Variants in DYM observed in about 807,000 individuals in gnomAD.
DYM encodes the protein dymeclin.
Under a neutral mutation model 93.1 loss-of-function variants are expected in DYM, and 78 were observed. The observed-to-expected ratio is 0.84, with a 90% CI of 0.70 to 1.01. The LOEUF is 1.01. Ranked by LOEUF, DYM falls within the 50% of genes least tolerant of loss-of-function variation. The pLI, the probability that DYM is intolerant of heterozygous loss-of-function variation, is 0.00. For synonymous variants in DYM, 321 were observed against 319.7 expected, an observed-to-expected ratio of 1.00 and a Z score of -0.04; for missense variants, 789 against 845.0, an observed-to-expected ratio of 0.93 and a Z score of 0.82.
At chr18:49,398,353 A>G (rs1465231629) in intron 2 of DYM, among the ~76,000 whole-genome samples, 2 of 152,164 alleles carry the variant, frequency 1.3e-5, no homozygotes, top group African/African-American at 4.8e-5. Flanking sequence ...AGGCAGACAG[A>G]TATGTGCAGC....
At chr18:49,404,092 C>T (rs1032140144) in intron 2 of DYM, among the ~76,000 whole-genome samples, 1 of 152,058 alleles carries the variant, frequency 6.6e-6, no homozygotes, top group African/African-American at 2.4e-5. Flanking sequence ...ACTGCAACCT[C>T]CGCCTCCCGG....
chr18:49,128,423 C>T (rs925599015), intron 15 of DYM, among the ~76,000 whole-genome samples: 2 of 152,116 alleles, frequency 1.3e-5, no homozygotes, highest in Non-Finnish European at 2.9e-5. Context: ...CCACAGCCTA[C>T]GAAAAGTAAA....
intron 17 of DYM, among the ~76,000 whole-genome samples, chr18:49,095,593 C>T (rs16950330): frequency 0.011 from 1,604 of 152,168 alleles, 41 homozygotes; most frequent in East Asian, 0.083. Context: ...AAGAAATTTA[C>T]CCATGACCTT....
chr18:49,418,296 G>C (rs1245833638), intron 2 of DYM, among the ~76,000 whole-genome samples: 1 of 151,888 alleles, frequency 6.6e-6, no homozygotes, highest in Non-Finnish European at 1.5e-5. Context: ...TTTCATTTTT[G>C]TTGCTATTAT....
intron 16 of DYM, among the ~76,000 whole-genome samples, chr18:49,107,109 T>C (rs2145766346): frequency 6.6e-6 from 1 of 152,058 alleles, no homozygotes; most frequent in East Asian, 1.9e-4. Context: ...TCATTTCTTT[T>C]TATTCTTTTT....
At chr18:49,215,224 C>T (rs1253632898) in intron 13 of DYM, among the ~76,000 whole-genome samples, 1 of 152,160 alleles carries the variant, frequency 6.6e-6, no homozygotes, top group East Asian at 1.9e-4. Flanking sequence ...TGAATTTCTT[C>T]ATCTTTTCTT....
Position 49,104,038 on chromosome 18 carries a change from C to T in DYM, c.1912-6523G>A, listed in dbSNP as rs183299054. Among the ~76,000 whole-genome samples, 1,318 of 152,194 alleles carry T rather than the reference C, an allele frequency of 8.7e-3. 10 individuals carry two copies. The highest frequency in any genetic ancestry group is 0.014 in the Non-Finnish European group (948 of 68,018). On this transcript the variant is annotated intron_variant, in intron 16 of 17. Coordinates refer to ENST00000675505, the MANE Select transcript of DYM (RefSeq NM_001353214.3). ...TTATCACGATATTGATTCTTCCTAC[C>T]CATGAGCATGGAATGTTCTTCCATT...
chr18:49,363,689 G>T (rs1168820017), intron 5 of DYM, among the ~76,000 whole-genome samples: 1 of 152,142 alleles, frequency 6.6e-6, no homozygotes, highest in Non-Finnish European at 1.5e-5. Flanking sequence ...GGGCCTGAAG[G>T]TACCTTTTAT....
intron 16 of DYM, among the ~76,000 whole-genome samples, chr18:49,112,895 CT>C (rs1274981655): frequency 6.6e-6 from 1 of 152,152 alleles, no homozygotes; most frequent in African/African-American, 2.4e-5. Flanking sequence ...CACTCTCTAC[CT>C]GCTTCAAGTT....
intron 13 of DYM, among the ~76,000 whole-genome samples, chr18:49,215,990 T>C (rs2093017905): frequency 1.3e-5 from 2 of 152,170 alleles, no homozygotes; most frequent in African/African-American, 4.8e-5. Context: ...GGAGTTCCCT[T>C]TCCTAGTCAA....
In DYM at chr18:49,042,969, G is replaced by A. The variant is rs887735918; in HGVS notation, c.*1086C>T. 4.6e-5 allele frequency: 7 copies of A among 152,154 alleles called. No homozygotes were observed. Among genetic ancestry groups the A allele is most frequent in the African/African-American group, 7.2e-5 (3 of 41,454 alleles). 9.4% of individuals were successfully genotyped at this position (152,154 alleles called of 1,614,324 possible). A position where few individuals can be genotyped will look rare whatever the true frequency, so the allele number is the denominator to read the frequency against. Reference sequence around the variant, plus strand: ...TTAGTGTGGGTGAAGGAAAAAGACTGTTTTCAAATGAAGCTTTTCTTTTTC... The same window carrying A: ...TTAGTGTGGGTGAAGGAAAAAGACTATTTTCAAATGAAGCTTTTCTTTTTC... On this transcript the variant is annotated 3_prime_UTR_variant, in exon 18 of 18. Transcript: ENST00000675505.
intron 17 of DYM, among the ~76,000 whole-genome samples, chr18:49,082,176 G>C (rs1420374734): frequency 6.6e-6 from 1 of 152,230 alleles, no homozygotes; most frequent in African/African-American, 2.4e-5. Context: ...TCCATGTGAG[G>C]TGCTTGCCAC....
In DYM at chr18:49,040,215, C is replaced by T. The variant is rs1162760549; in HGVS notation, c.*3840G>A. On this transcript the variant is annotated 3_prime_UTR_variant, in exon 18 of 18. Transcript: ENST00000675505. ...TTTGCTTGAAGGACCCCAGAGTCAA[C>T]AAGATAGTTAAGTATTACTTGTCCA... The T allele has an allele frequency of 1.3e-5, 2 of 152,186 alleles. No homozygotes were observed. Among genetic ancestry groups the T allele is most frequent in the African/African-American group, 4.8e-5 (2 of 41,444 alleles). 9.4% of individuals were successfully genotyped at this position (152,186 alleles called of 1,614,324 possible). A position where few individuals can be genotyped will look rare whatever the true frequency, so the allele number is the denominator to read the frequency against.
At chr18:49,078,699 A>T (rs2077524341) in intron 17 of DYM, among the ~76,000 whole-genome samples, 1 of 152,230 alleles carries the variant, frequency 6.6e-6, no homozygotes, top group South Asian at 2.1e-4. Context: ...AGTTTATTTA[A>T]AAATTAAAGA....
chr18:49,419,291 G>A (rs561780320), intron 2 of DYM, among the ~76,000 whole-genome samples: 78 of 152,134 alleles, frequency 5.1e-4, no homozygotes, highest in Middle Eastern at 6.8e-3. Context: ...CCTGGGAGGC[G>A]GAGGTCGCAG....
At chr18:49,265,050 A>C (rs973067977) in intron 11 of DYM, among the ~76,000 whole-genome samples, 1 of 152,240 alleles carries the variant, frequency 6.6e-6, no homozygotes, top group African/African-American at 2.4e-5. Flanking sequence ...CAAATATACT[A>C]GTCTCAAGCC....
intron 14 of DYM, among the ~76,000 whole-genome samples, chr18:49,165,086 T>C (rs1038195272): frequency 6.6e-6 from 1 of 152,100 alleles, no homozygotes; most frequent in African/African-American, 2.4e-5. Flanking sequence ...AAAAAAGACA[T>C]ACTATAAAAA....
intron 2 of DYM, among the ~76,000 whole-genome samples, chr18:49,420,504 G>A (rs1025021257): frequency 3.3e-5 from 5 of 151,936 alleles, no homozygotes; most frequent in Non-Finnish European, 5.9e-5. Flanking sequence ...CAATCCAATT[G>A]TATACAATAA....
rs1404955125 is a variant in DYM, at chr18:49,221,001, A to G, written c.1461-11286T>C. ...GAATGGGAGAAAATTTTCGCAACCT[A>G]CTCATCTGACAAAGGGCTAATATCC... On this transcript the variant is annotated intron_variant, in intron 13 of 17. Transcript: ENST00000675505. 1.3e-5 allele frequency among the ~76,000 whole-genome samples: 2 copies of G among 152,272 alleles called. 1 individual carries two copies. Among genetic ancestry groups the G allele is most frequent in the Middle Eastern group, 6.8e-3 (2 of 294 alleles).
Sources: gnomAD v4.1 joint callset for allele counts (sites outside exome capture counted in the v4.1 genomes callset) on GRCh38, gnomAD v4.1.1 for gene constraint, MANE v1.5 for transcripts, NCBI Gene and HGNC (gene_info 2026-07-23, HGNC 2026-07-21) for gene names.